The following KCNH8 variants were observed in gnomAD, a reference collection of about 807,000 sequenced individuals.
KCNH8 encodes the protein voltage-gated delayed rectifier potassium channel KCNH8.
KCNH8 carries 70 observed loss-of-function variants against 103.6 expected under a neutral mutation model. That is an observed-to-expected ratio of 0.68 (90% CI 0.56 to 0.82). The LOEUF is 0.82. Ranked by LOEUF, KCNH8 falls within the 40% of genes least tolerant of loss-of-function variation. KCNH8 has a pLI of 0.00. For synonymous variants in KCNH8, 498 were observed against 489.4 expected (o/e 1.02, Z -0.23); for missense variants, 1,217 against 1,329.9 (o/e 0.92, Z 1.32).
At chr3:19,398,968 G>A (rs555096400) in intron 7 of KCNH8, among the ~76,000 whole-genome samples, 14 of 152,060 alleles carry the variant, frequency 9.2e-5, no homozygotes, top group Middle Eastern at 3.4e-3. Flanking sequence ...TATCTTCAAA[G>A]TAATTTATCT....
intron 15 of KCNH8, among the ~76,000 whole-genome samples, chr3:19,522,741 C>G (rs1187225519): frequency 6.6e-6 from 1 of 151,790 alleles, no homozygotes; most frequent in Non-Finnish European, 1.5e-5. Context: ...GTTTCAATGT[C>G]TAAACTGCTT....
intron 15 of KCNH8, among the ~76,000 whole-genome samples, chr3:19,527,711 A>AGT (rs1411172727): frequency 6.6e-6 from 1 of 152,136 alleles, no homozygotes; most frequent in African/African-American, 2.4e-5. Flanking sequence ...TGGAAGGATC[A>AGT]GTGTGTGGAT....
intron 7 of KCNH8, among the ~76,000 whole-genome samples, chr3:19,396,580 G>A (rs1245527887): frequency 6.6e-6 from 1 of 151,600 alleles, no homozygotes; most frequent in Non-Finnish European, 1.5e-5. Context: ...TCAATTCTAG[G>A]AAACAAAGAA....
intron 15 of KCNH8, among the ~76,000 whole-genome samples, chr3:19,526,818 C>CTTAAG (rs1253212147): frequency 1.3e-5 from 2 of 151,922 alleles, no homozygotes; most frequent in African/African-American, 4.8e-5. Context: ...AAGTGAGTTA[C>CTTAAG]TTAAGTTCAA....
At chr3:19,486,482 A>G (rs554464104) in intron 11 of KCNH8, among the ~76,000 whole-genome samples, 6 of 152,318 alleles carry the variant, frequency 3.9e-5, no homozygotes, top group African/African-American at 1.2e-4. Flanking sequence ...CAGGGCCCTT[A>G]GACATGGTGG....
At chr3:19,254,014 G>T in intron 2 of KCNH8, 127 bp downstream of exon 2, 3 of 656,848 alleles carry the variant, frequency 4.6e-6, no homozygotes, top group Non-Finnish European at 8.0e-6. Flanking sequence ...TGTTACAGAA[G>T]TTCCACAAAT....
intron 7 of KCNH8, among the ~76,000 whole-genome samples, chr3:19,411,562 A>G (rs1366920405): frequency 2.0e-5 from 3 of 152,072 alleles, no homozygotes; most frequent in Non-Finnish European, 4.4e-5. Context: ...CAGGAAAAGA[A>G]GAAGTCAAAC....
At chr3:19,500,699 G>A (rs1450029770) in intron 11 of KCNH8, among the ~76,000 whole-genome samples, 1 of 151,826 alleles carries the variant, frequency 6.6e-6, no homozygotes, top group Middle Eastern at 3.4e-3. Context: ...ATAACGAAAT[G>A]AAGACACAAA....
At chr3:19,170,505 T>G (rs1046413238) in intron 1 of KCNH8, among the ~76,000 whole-genome samples, 4 of 150,592 alleles carry the variant, frequency 2.7e-5, no homozygotes, top group African/African-American at 9.8e-5. Flanking sequence ...TGATCATGAC[T>G]CCTCCTTACA....
chr3:19,390,033 C>T (rs972449766), intron 5 of KCNH8, among the ~76,000 whole-genome samples: 1 of 152,040 alleles, frequency 6.6e-6, no homozygotes, highest in Non-Finnish European at 1.5e-5. Context: ...ATCAGAGTAA[C>T]ACTGTCTACT....
intron 10 of KCNH8, among the ~76,000 whole-genome samples, chr3:19,455,232 A>T (rs2067512921): frequency 6.6e-6 from 1 of 152,132 alleles, no homozygotes. Context: ...GTACACCTTG[A>T]TTTCATGTCC....
chr3:19,322,973 A>G (rs2065370039), intron 3 of KCNH8, among the ~76,000 whole-genome samples: 1 of 152,062 alleles, frequency 6.6e-6, no homozygotes. Context: ...TACTTGTTCA[A>G]TTCTGTTGCT....
At position 19,330,775 on chromosome 3, in the gene KCNH8, T is replaced by A. The variant is rs963578771; in HGVS notation, c.443-11812T>A. Among the ~76,000 whole-genome samples, 13 of 152,318 alleles carry A rather than the reference T, an allele frequency of 8.5e-5. 1 individual carries two copies. Among genetic ancestry groups the A allele is most frequent in the Admixed American group, 4.6e-4 (7 of 15,294 alleles). On this transcript the variant is annotated intron_variant, in intron 3 of 15. Transcript: ENST00000328405. ...GACTTCCTAGGCAAATTTTACGATA[T>A]TTTTGTAAGGAGGAAAATTCTCATT...
rs112703355 is a variant in KCNH8, at chr3:19,188,744, T to A, written c.76+39949T>A. ...AAGAACTAGGTTTTTAAAGCTTTTT[T>A]AAAAAATAAATAGCATATTCCTGAA... On this transcript the variant is annotated intron_variant, in intron 1 of 15. Coordinates refer to ENST00000328405, the MANE Select transcript of KCNH8 (RefSeq NM_144633.3). Among the ~76,000 whole-genome samples the A allele has an allele frequency of 2.6e-3, 395 of 152,186 alleles. 4 individuals are homozygous for A. The highest frequency in any genetic ancestry group is 8.5e-3 in the African/African-American group (353 of 41,526).
intron 11 of KCNH8, among the ~76,000 whole-genome samples, chr3:19,491,155 A>G (rs954811079): frequency 3.3e-5 from 5 of 152,180 alleles, no homozygotes; most frequent in Admixed American, 6.5e-5. Context: ...ACATATATAT[A>G]TGTGTGAGTG....
At chr3:19,491,563 C>T (rs957019185) in intron 11 of KCNH8, among the ~76,000 whole-genome samples, 8 of 152,016 alleles carry the variant, frequency 5.3e-5, no homozygotes, top group African/African-American at 1.9e-4. Flanking sequence ...TGGATATGTA[C>T]CACATTTTCT....
chr3:19,376,225 A>G (rs1178353930), intron 5 of KCNH8, among the ~76,000 whole-genome samples: 3 of 152,170 alleles, frequency 2.0e-5, no homozygotes, highest in Non-Finnish European at 2.9e-5. Context: ...GTTTGATCTC[A>G]GAGTGCTGTG....
intron 11 of KCNH8, among the ~76,000 whole-genome samples, chr3:19,489,809 A>C (rs182587537): frequency 6.6e-6 from 1 of 152,240 alleles, no homozygotes; most frequent in East Asian, 1.9e-4. Flanking sequence ...AAATCAGAGT[A>C]TCAAATCCAA....
At position 19,535,378 on chromosome 3, in the gene KCNH8, C is replaced by A. The variant is rs919350401; in HGVS notation, c.*1279C>A. 5 of 152,108 alleles carry A rather than the reference C, an allele frequency of 3.3e-5. No individual in the cohort carries two copies. The East Asian group carries it at 5.8e-4, about 18-fold the overall frequency. The allele number at this position is 152,108 out of a possible 1,614,324, so 9.4% of individuals were successfully genotyped here. On this transcript the variant is annotated 3_prime_UTR_variant, in exon 16 of 16. Transcript: ENST00000328405. ...ATTTTTAATAAATCTCAGGGGAAGC[C>A]TCAGAGATTACACAGTTAGGATGCT...
Sources: gnomAD v4.1 joint callset for allele counts (sites outside exome capture counted in the v4.1 genomes callset) on GRCh38, gnomAD v4.1.1 for gene constraint, MANE v1.5 for transcripts, NCBI Gene and HGNC (gene_info 2026-07-23, HGNC 2026-07-21) for gene names.